Variants in CEP170 observed in about 807,000 individuals in gnomAD.
CEP170 encodes centrosomal protein 170, also known as centrosomal protein of 170 kDa.
Under a neutral mutation model 151.9 loss-of-function variants are expected in CEP170, and 21 were observed. The observed-to-expected ratio is 0.14, with a 90% CI of 0.10 to 0.20. The LOEUF (loss-of-function observed/expected upper bound fraction) is 0.20, where lower values mean the gene tolerates loss of function less well. Among genes scored for constraint, CEP170 ranks in the 10% least tolerant of loss-of-function variants. The probability of loss-of-function intolerance (pLI) is 1.00; values close to 1 mark genes in which losing one functional copy is unlikely to be tolerated. For synonymous variants in CEP170, 356 were observed against 648.8 expected (o/e 0.55, Z 6.86); for missense variants, 964 against 1,892.9 (o/e 0.51, Z 9.11).
intron 1 of CEP170, among the ~76,000 whole-genome samples, chr1:243,226,185 A>ATC (rs2063275011): frequency 4.5e-5 from 1 of 22,396 alleles, no homozygotes; most frequent in African/African-American, 1.3e-4. Flanking sequence ...ATATATCTAG[A>ATC]TATATATATC....
intron 3 of CEP170, among the ~76,000 whole-genome samples, chr1:243,221,218 G>A (rs538107402): frequency 6.6e-6 from 1 of 152,076 alleles, no homozygotes; most frequent in Non-Finnish European, 1.5e-5. Flanking sequence ...TAGAGAGGGG[G>A]TTCACCGTGT....
At chr1:243,201,626 T>C (rs1210371089) in intron 4 of CEP170, among the ~76,000 whole-genome samples, 2 of 152,150 alleles carry the variant, frequency 1.3e-5, no homozygotes, top group Admixed American at 6.6e-5. Context: ...GGTAGAAAGC[T>C]GTAACTATCA....
chr1:243,215,840 C>G (rs4408135), intron 3 of CEP170, among the ~76,000 whole-genome samples: 129,992 of 151,718 alleles, frequency 0.86, 55,805 homozygotes, highest in East Asian at 0.94. Context: ...TTGCAGCTTG[C>G]GGGGCATCAC....
At chr1:243,158,166 A>G (rs1403677067) in intron 13 of CEP170, among the ~76,000 whole-genome samples, 1 of 152,244 alleles carries the variant, frequency 6.6e-6, no homozygotes, top group Non-Finnish European at 1.5e-5. Flanking sequence ...AAGAGTAAAG[A>G]GGTTTAGAAA....
At chr1:243,203,632 CAAGGA>C (rs1401742493) in intron 4 of CEP170, among the ~76,000 whole-genome samples, 8 of 151,996 alleles carry the variant, frequency 5.3e-5, no homozygotes, top group African/African-American at 7.2e-5. Context: ...TTATTTCATA[CAAGGA>C]AAGATCAGAA....
chr1:243,234,553 A>C (rs991275813), intron 1 of CEP170, among the ~76,000 whole-genome samples: 1 of 152,246 alleles, frequency 6.6e-6, no homozygotes, highest in African/African-American at 2.4e-5. Flanking sequence ...AAGGCATTGC[A>C]TCAACTGGCA....
chr1:243,172,093 G>A (rs1249670065), intron 11 of CEP170, among the ~76,000 whole-genome samples: 1 of 152,088 alleles, frequency 6.6e-6, no homozygotes, highest in Non-Finnish European at 1.5e-5. Flanking sequence ...GTATAAGCAG[G>A]ATATGTTTCT....
At chr1:243,212,003 G>T (rs1181749940) in intron 3 of CEP170, 39 bp from the exon 4 acceptor site, 2 of 1,413,114 alleles carry the variant, frequency 1.4e-6, no homozygotes, top group South Asian at 3.3e-5. Context: ...TTACGTATGA[G>T]GTATTAATTC....
At position 243,172,840 on chromosome 1, in the gene CEP170, C is replaced by T. The variant is rs867539604; in HGVS notation, c.1573G>A (p.Gly525Arg). Residue 525 changes from glycine (G) to arginine (R), a missense_variant, in exon 11 of 20, where the codon GGA (glycine) becomes AGA (arginine). Coordinates refer to ENST00000366542, the MANE Select transcript of CEP170 (RefSeq NM_014812.3). Reference protein sequence around the residue: ...EARKMIDKVFGVDDNQDYNRP... With the variant: ...EARKMIDKVFRVDDNQDYNRP... ...TTATAATCCTGATTGTCATCTACTC[C>T]AAACACCTAGAGGGAAAAATTATTT... The T allele has an allele frequency of 1.9e-6, 3 of 1,560,342 alleles. No individual in the cohort carries two copies. Among genetic ancestry groups the T allele is most frequent in the Admixed American group, 3.9e-5 (2 of 51,440 alleles).
rs1191677161 is a variant in CEP170, at chr1:243,221,866, C to T, written c.106-53G>A. ...TATAAGAAAATACTAGAATAAATAC[C>T]AGTCACATTTTGGCTAGATACCTAA... is the stretch of plus-strand genomic sequence containing the variant. On this transcript the variant is annotated intron_variant, in intron 2 of 19. Coordinates refer to ENST00000366542, the MANE Select transcript of CEP170 (RefSeq NM_014812.3). 4.6e-6 allele frequency: 7 copies of T among 1,507,638 alleles called. No homozygotes were observed. The African/African-American group carries it at 5.6e-5, about 12-fold the overall frequency. 93.4% of individuals were successfully genotyped at this position (1,507,638 alleles called of 1,614,324 possible).
chr1:243,204,010 TAAAAAC>T (rs1055871344), intron 4 of CEP170, among the ~76,000 whole-genome samples: 2 of 152,178 alleles, frequency 1.3e-5, no homozygotes, highest in African/African-American at 4.8e-5. Context: ...TCCTGTTCTT[TAAAAAC>T]ATAGTTTTCA....
chr1:243,236,222 C>G (rs1219718968), intron 1 of CEP170, among the ~76,000 whole-genome samples: 2 of 152,124 alleles, frequency 1.3e-5, no homozygotes. Context: ...AAACAGGAAC[C>G]ACCTAGATTC....
At chr1:243,126,784 C>T in intron 19 of CEP170, 46 bp from the exon 20 acceptor site, 1 of 1,505,626 alleles carries the variant, frequency 6.6e-7, no homozygotes, top group Non-Finnish European at 8.9e-7. Context: ...GTTACATTCA[C>T]ATATAAACAC....
chr1:243,251,435 G>C (rs559150096), intron 1 of CEP170, among the ~76,000 whole-genome samples: 1 of 152,190 alleles, frequency 6.6e-6, no homozygotes, highest in Non-Finnish European at 1.5e-5. Context: ...ACTTAGGAAT[G>C]TGTAACGCAG....
At chr1:243,210,773 A>G (rs1360955868) in intron 4 of CEP170, among the ~76,000 whole-genome samples, 2 of 151,524 alleles carry the variant, frequency 1.3e-5, no homozygotes, top group Admixed American at 1.3e-4. Context: ...TGCCACCATG[A>G]CTGGTTATTT....
chr1:243,251,129 T>C (rs543140143), intron 1 of CEP170, among the ~76,000 whole-genome samples: 13 of 152,316 alleles, frequency 8.5e-5, no homozygotes, highest in Non-Finnish European at 1.5e-4. Context: ...AGTTATATAG[T>C]AAAAGCAGCT....
chr1:243,174,973 C>G (rs1001844461), intron 10 of CEP170: 2 of 152,160 alleles, frequency 1.3e-5, no homozygotes, highest in Non-Finnish European at 2.9e-5. Context: ...TAATTACTAA[C>G]AAAAATCTAA....
At chr1:243,154,607 C>T (rs1039261057) in intron 14 of CEP170, among the ~76,000 whole-genome samples, 1 of 152,182 alleles carries the variant, frequency 6.6e-6, no homozygotes, top group Non-Finnish European at 1.5e-5. Context: ...CATAGTGCTA[C>T]TGACAAACTA....
At chr1:243,199,754 A>G (rs988505220) in intron 6 of CEP170, among the ~76,000 whole-genome samples, 105 of 151,550 alleles carry the variant, frequency 6.9e-4, no homozygotes, top group Non-Finnish European at 1.2e-3. Context: ...AGTAATGCCT[A>G]TTCATTTAAA....
Sources: allele counts gnomAD v4.1 joint callset (sites outside exome capture counted in the v4.1 genomes callset), GRCh38; gene constraint gnomAD v4.1.1; transcripts MANE v1.5; gene names NCBI Gene and HGNC (gene_info 2026-07-23, HGNC 2026-07-21).